The following CTBP2 variants were observed in gnomAD, a reference collection of about 807,000 sequenced individuals.
CTBP2 encodes the protein C-terminal-binding protein 2.
A neutral mutation model predicts 80.3 loss-of-function variants in CTBP2; 30 were observed. The observed-to-expected ratio is 0.37, with a 90% confidence interval of 0.28 to 0.51. CTBP2 has a LOEUF of 0.51. Ranked by LOEUF, CTBP2 falls within the 20% of genes least tolerant of loss-of-function variation. The pLI, the probability that CTBP2 is intolerant of heterozygous loss-of-function variation, is 0.93. For synonymous variants in CTBP2, 594 were observed against 587.4 expected (o/e 1.01, Z -0.16); for missense variants, 1,212 against 1,375.3 (o/e 0.88, Z 1.88).
chr10:125,099,649 G>C (rs921919524), intron 2 of CTBP2, among the ~76,000 whole-genome samples: 2 of 152,182 alleles, frequency 1.3e-5, no homozygotes, highest in African/African-American at 4.8e-5. Context: ...ATAAGCTCTT[G>C]AGTTGTCAAA....
Position 125,002,824 on chromosome 10 carries a change from C to A in CTBP2, c.1978+136G>T, listed in dbSNP as rs540682666. On this transcript the variant is annotated intron_variant, in intron 3 of 8. Transcript: ENST00000309035. ...GGCCGCAAGGTGCTCCACAGCCCGG[C>A]CTGGAGGCAGCCACCTTGCTACAGC... 7.1e-5 allele frequency: 77 copies of A among 1,077,846 alleles called. No homozygotes were observed. The South Asian group carries it at 1.1e-3, about 15-fold the overall frequency. The allele number at this position is 1,077,846 out of a possible 1,614,324, so 66.8% of individuals were successfully genotyped here.
upstream of CTBP2, among the ~76,000 whole-genome samples, chr10:125,029,061 A>G (rs1703621279): frequency 6.6e-6 from 1 of 152,220 alleles, no homozygotes; most frequent in Admixed American, 6.5e-5. Flanking sequence ...CAAAAATAAA[A>G]GCCGGTGATT....
chr10:125,002,159 G>T (rs781727864), intron 3 of CTBP2, among the ~76,000 whole-genome samples: 84 of 152,186 alleles, frequency 5.5e-4, no homozygotes, highest in Non-Finnish European at 1.1e-3. Flanking sequence ...GCACTCGTAA[G>T]GCAGAGTACA....
intron 2 of CTBP2, among the ~76,000 whole-genome samples, chr10:125,078,031 A>G (rs1324844731): frequency 6.6e-6 from 1 of 152,214 alleles, no homozygotes; most frequent in Non-Finnish European, 1.5e-5. Context: ...CTGTAATCCC[A>G]GCACTTTGGG....
At chr10:125,043,754 A>C (rs1960502476) in intron 2 of CTBP2, among the ~76,000 whole-genome samples, 1 of 151,974 alleles carries the variant, frequency 6.6e-6, no homozygotes. Flanking sequence ...CGATTTCTTG[A>C]CTCCACTTCC....
At chr10:125,068,018 A>G (rs1844905667) in intron 2 of CTBP2, among the ~76,000 whole-genome samples, 1 of 152,200 alleles carries the variant, frequency 6.6e-6, no homozygotes, top group Non-Finnish European at 1.5e-5. Flanking sequence ...TCTGGTGCCA[A>G]GCAACAACGG....
intron 1 of CTBP2, among the ~76,000 whole-genome samples, chr10:125,134,945 A>G (rs1856760650): frequency 6.7e-6 from 1 of 150,296 alleles, no homozygotes; most frequent in Admixed American, 6.7e-5. Flanking sequence ...CCACGTTAAT[A>G]CTAGAACCCA....
In CTBP2 at chr10:125,059,197, G is replaced by T. The variant is rs1328875921; in HGVS notation, c.-101-20042C>A. Among the ~76,000 whole-genome samples the T allele has an allele frequency of 4.6e-5, 7 of 152,168 alleles. 1 individual carries two copies. The highest frequency in any genetic ancestry group is 4.6e-4 in the Admixed American group (7 of 15,272). On this transcript the variant is annotated intron_variant, in intron 2 of 10. Transcript: ENST00000337195. ...GACACAAGCAATGCTAGTTGTTTCA[G>T]GATCCTGCTGGGTTTTGTTGGCTTA...
At chr10:124,999,583 C>T (rs1954145417) in intron 3 of CTBP2, 2 of 152,270 alleles carry the variant, frequency 1.3e-5, no homozygotes, top group Admixed American at 6.5e-5. Flanking sequence ...CCACTGTGAG[C>T]AGGTCACCCA....
intron 2 of CTBP2, among the ~76,000 whole-genome samples, chr10:125,109,768 G>C (rs77818295): frequency 0.033 from 4,975 of 152,348 alleles, 111 homozygotes; most frequent in Middle Eastern, 0.092. Context: ...CAAGCTTAAA[G>C]GGTGGGGAGG....
In CTBP2 at chr10:124,986,159, A is replaced by G. The variant is rs1347385977; in HGVS notation, c.*3359T>C. On this transcript the variant is annotated 3_prime_UTR_variant, in exon 9 of 9. Coordinates refer to ENST00000309035, the MANE Select transcript of CTBP2 (RefSeq NM_022802.3). ...GAAGTATTATTTGACCACTTCAGGT[A>G]TACATTCAATACTGGGTAAAAATTT... is the stretch of plus-strand genomic sequence containing the variant. The G allele has an allele frequency of 6.6e-6, 1 of 152,624 alleles. No homozygotes were observed. Among genetic ancestry groups the G allele is most frequent in the African/African-American group, 2.4e-5 (1 of 41,436 alleles). The allele number at this position is 152,624 out of a possible 1,614,324, so 9.5% of individuals were successfully genotyped here.
intron 1 of CTBP2, among the ~76,000 whole-genome samples, chr10:125,157,987 T>C (rs1861234648): frequency 6.6e-6 from 1 of 152,192 alleles, no homozygotes; most frequent in Non-Finnish European, 1.5e-5. Context: ...ATACAGTCTC[T>C]GCTAAAGAAA....
At chr10:125,135,521 CT>C (rs34285775) in intron 1 of CTBP2, among the ~76,000 whole-genome samples, 9,896 of 152,240 alleles carry the variant, frequency 0.065, 481 homozygotes, top group Admixed American at 0.12. Flanking sequence ...AGCCCTCCAG[CT>C]TTGTCTCCTA....
chr10:125,116,605 G>A (rs551925218), intron 1 of CTBP2, among the ~76,000 whole-genome samples: 2 of 152,260 alleles, frequency 1.3e-5, no homozygotes, highest in African/African-American at 2.4e-5. Context: ...ACACAGCTCA[G>A]ATACCCCAGG....
At chr10:125,141,516 C>T (rs1857810194) in intron 1 of CTBP2, among the ~76,000 whole-genome samples, 1 of 152,160 alleles carries the variant, frequency 6.6e-6, no homozygotes, top group South Asian at 2.1e-4. Context: ...CTGGTCTCTA[C>T]CTTCAGGAAA....
chr10:125,131,859 G>A (rs752212931), intron 1 of CTBP2, among the ~76,000 whole-genome samples: 27 of 152,148 alleles, frequency 1.8e-4, no homozygotes, highest in African/African-American at 4.3e-4. Flanking sequence ...TAGTGCTGCC[G>A]GGAAGCGACA....
chr10:125,097,776 C>T (rs1372232128), intron 2 of CTBP2, among the ~76,000 whole-genome samples: 1 of 152,202 alleles, frequency 6.6e-6, no homozygotes, highest in East Asian at 1.9e-4. Flanking sequence ...CTCTGTAGTT[C>T]CTACTTTTTG....
In CTBP2 at chr10:125,006,262, G is replaced by A. The variant is rs185307005; in HGVS notation, c.1679-2770C>T. On this transcript the variant is annotated intron_variant, in intron 1 of 8. Transcript: ENST00000309035. ...AAGGCGGGAAAAGAGAAAAGCCAAC[G>A]GGTTCTCATGCTGGGAAAAGATGCC... is the stretch of plus-strand genomic sequence containing the variant. 1.7e-3 allele frequency among the ~76,000 whole-genome samples: 261 copies of A among 152,052 alleles called. 2 individuals carry two copies. Among genetic ancestry groups the A allele is most frequent in the African/African-American group, 6.0e-3 (249 of 41,454 alleles).
rs1844606659 is a variant in CTBP2, at chr10:125,066,199, C to T, written c.-101-27044G>A. On this transcript the variant is annotated intron_variant, in intron 2 of 10. Transcript: ENST00000337195. This position sits in a 1 kb window ranked among gnomAD's most constrained non-coding sequence, Gnocchi z 4.1. ...GGCTGAGGGATGTGAGCTATGAGCC[C>T]CTACATCACAGCTTCTGTTAACATG... 6.6e-6 allele frequency among the ~76,000 whole-genome samples: 1 copy of T among 152,004 alleles called. No homozygotes were observed. The highest frequency in any genetic ancestry group is 6.6e-5 in the Admixed American group (1 of 15,246).
Sources: gnomAD v4.1 joint callset for allele counts (sites outside exome capture counted in the v4.1 genomes callset) on GRCh38, gnomAD v4.1.1 for gene constraint, Gnocchi (gnomAD v3.1) non-coding constraint, MANE v1.5 for transcripts, NCBI Gene and HGNC (gene_info 2026-07-23, HGNC 2026-07-21) for gene names.